Variants in B3GAT1 observed in about 807,000 individuals in gnomAD.
B3GAT1 encodes the protein beta-1,3-glucuronyltransferase 1, also known as galactosylgalactosylxylosylprotein 3-beta-glucuronosyltransferase 1.
A neutral mutation model predicts 28.4 loss-of-function variants in B3GAT1; 11 were observed. That is an observed-to-expected ratio of 0.39 (90% CI 0.24 to 0.64). The LOEUF is 0.64. Ranked by LOEUF, B3GAT1 falls within the 30% of genes least tolerant of loss-of-function variation. B3GAT1 has a pLI of 0.50. For missense variants in B3GAT1, 375 were observed against 491.0 expected, an observed-to-expected ratio of 0.76 and a Z score of 2.23; for synonymous variants, 255 against 223.1, an observed-to-expected ratio of 1.14 and a Z score of -1.27.
At chr11:134,398,988 G>A (rs1029283756) in intron 1 of B3GAT1, among the ~76,000 whole-genome samples, 1 of 152,112 alleles carries the variant, frequency 6.6e-6, no homozygotes. Flanking sequence ...GTGGGTGGTG[G>A]GTTCTCCAAC....
chr11:134,379,553 A>G lies in B3GAT1; in HGVS notation c.*1209T>C, dbSNP rs1944081699. Reference sequence around the variant, plus strand: ...TGGACATGAGGTGGGCTAGCTCTGCATGCTCCTGACTTAGGGAGAAATAAC... The same window carrying G: ...TGGACATGAGGTGGGCTAGCTCTGCGTGCTCCTGACTTAGGGAGAAATAAC... On this transcript the variant is annotated 3_prime_UTR_variant, in exon 6 of 6. Transcript: ENST00000312527. The G allele has an allele frequency of 6.6e-6, 1 of 152,490 alleles. No homozygotes were observed. The highest frequency in any genetic ancestry group is 2.1e-4 in the South Asian group (1 of 4,830). The allele number at this position is 152,490 out of a possible 1,614,324, so 9.4% of individuals were successfully genotyped here.
At chr11:134,391,804 C>T (rs1275652103) in intron 1 of B3GAT1, 2 of 152,362 alleles carry the variant, frequency 1.3e-5, no homozygotes, top group African/African-American at 4.8e-5. Context: ...TCAGGCGTCT[C>T]GGCAAGTAGA....
chr11:134,388,908 G>A (rs960124994), intron 1 of B3GAT1: 1 of 152,186 alleles, frequency 6.6e-6, no homozygotes, highest in Non-Finnish European at 1.5e-5. Context: ...ATAGTGCTGC[G>A]ATGAACATAC....
intron 1 of B3GAT1, among the ~76,000 whole-genome samples, chr11:134,394,005 A>C (rs989676066): frequency 6.6e-6 from 1 of 152,162 alleles, no homozygotes; most frequent in Non-Finnish European, 1.5e-5. Flanking sequence ...CTCCCAGCCC[A>C]GTCAATCCAT....
intron 2 of B3GAT1, chr11:134,385,986 T>C (rs1179169859): frequency 6.6e-6 from 1 of 152,248 alleles, no homozygotes; most frequent in African/African-American, 2.4e-5. Context: ...CACGATATCA[T>C]GTCGCTTTAT....
intron 1 of B3GAT1, among the ~76,000 whole-genome samples, chr11:134,397,468 C>A (rs534710913): frequency 2.1e-4 from 32 of 152,368 alleles, no homozygotes; most frequent in Admixed American, 6.5e-4. Flanking sequence ...TGCTTTTCCT[C>A]GTCCTGTGGT....
At chr11:134,402,703 A>G (rs889570222) in intron 1 of B3GAT1, among the ~76,000 whole-genome samples, 1 of 152,166 alleles carries the variant, frequency 6.6e-6, no homozygotes, top group African/African-American at 2.4e-5. Flanking sequence ...ACTTGAGGTC[A>G]GGAGTTGGAG....
chr11:134,394,512 A>AGAGCCC (rs1424193596), intron 1 of B3GAT1, among the ~76,000 whole-genome samples: 2 of 151,946 alleles, frequency 1.3e-5, no homozygotes, highest in Non-Finnish European at 2.9e-5. Context: ...CTCCAGGGCC[A>AGAGCCC]GAGCCCCCTG....
chr11:134,409,122 A>C (rs970618577), intron 1 of B3GAT1, among the ~76,000 whole-genome samples: 3 of 152,312 alleles, frequency 2.0e-5, no homozygotes, highest in Non-Finnish European at 4.4e-5. Flanking sequence ...GTGAGATGAC[A>C]GTTTCCCAAT....
intron 2 of B3GAT1, chr11:134,384,523 T>C: frequency 2.9e-6 from 1 of 346,922 alleles, no homozygotes; most frequent in Non-Finnish European, 5.2e-6. Context: ...GTCCCGACCC[T>C]CCCCTCCCTA....
Position 134,382,836 on chromosome 11 carries a change from G to C in B3GAT1, c.792C>G (p.Leu264=). 1 of 1,614,200 alleles carries C rather than the reference G, an allele frequency of 6.2e-7. No individual in the cohort carries two copies. Among genetic ancestry groups the C allele is most frequent in the Non-Finnish European group, 8.5e-7 (1 of 1,180,028 alleles). ...DMAGFAVNLR[L]ILQRSQAYFK... Reference sequence around the variant, plus strand: ...AGTAGGCCTGGCTTCGCTGCAGAATGAGCCGCAGGTTGACGGCAAATCCAG... The same window carrying C: ...AGTAGGCCTGGCTTCGCTGCAGAATCAGCCGCAGGTTGACGGCAAATCCAG... Residue 264 remains leucine, a synonymous_variant, in exon 4 of 6, where the codon CTC becomes CTG. Transcript: ENST00000312527.
chr11:134,396,910 A>C (rs756255992), intron 1 of B3GAT1, among the ~76,000 whole-genome samples: 1 of 152,064 alleles, frequency 6.6e-6, no homozygotes, highest in African/African-American at 2.4e-5. Context: ...GCGTCCTTTG[A>C]TTTCCCTTGG....
chr11:134,410,976 A>G (rs1231836620), intron 1 of B3GAT1, among the ~76,000 whole-genome samples: 1 of 152,172 alleles, frequency 6.6e-6, no homozygotes, highest in Non-Finnish European at 1.5e-5. Context: ...CTTCTACAAG[A>G]ATCCATGCAG....
Position 134,384,037 on chromosome 11 carries a change from C to T in B3GAT1, c.264G>A (p.Val88=). 6.2e-7 allele frequency: 1 copy of T among 1,605,642 alleles called. No individual in the cohort carries two copies. The highest frequency in any genetic ancestry group is 8.5e-7 in the Non-Finnish European group (1 of 1,179,104). The change falls in exon 3 of 6, where the codon GTG becomes GTA. Residue 88 remains valine (V), a synonymous_variant. Transcript: ENST00000312527. Reference sequence around the variant, plus strand: ...CCGGGCGGCTGTAGGTGGGCGTCACCACGTGGATGGTGGGCAGCGTGTCGG... The same window carrying T: ...CCGGGCGGCTGTAGGTGGGCGTCACTACGTGGATGGTGGGCAGCGTGTCGG... The part of the protein sequence containing the change: ...PWSDTLPTIH[V]VTPTYSRPVQ...
rs112888938 is a variant in B3GAT1, at chr11:134,382,966, A to G, written c.662T>C (p.Phe221Ser). 1 of 1,597,016 alleles carries G rather than the reference A, an allele frequency of 6.3e-7. No individual in the cohort carries two copies. Among genetic ancestry groups the G allele is most frequent in the East Asian group, 2.3e-5 (1 of 44,094 alleles). The change falls in exon 4 of 6, where the codon TTC (phenylalanine) becomes TCC (serine). Residue 221 changes from phenylalanine to serine, a missense_variant. Phe to Ser is a radical substitution (Grantham distance 155). Transcript: ENST00000312527. ...GGCCTCGTACCGCAGGCCACCCACG[A>G]AGGCGACGGGCCACACGGACACCCT... is the stretch of plus-strand genomic sequence containing the variant. ...TRRVSVWPVA[F>S]VGGLRYEAPR...
intron 1 of B3GAT1, among the ~76,000 whole-genome samples, chr11:134,400,685 C>T (rs1347105859): frequency 6.6e-6 from 1 of 152,202 alleles, no homozygotes; most frequent in Non-Finnish European, 1.5e-5. Flanking sequence ...CTAAGGAACA[C>T]CATTTTGGAC....
intron 1 of B3GAT1, chr11:134,389,669 G>C (rs59803683): frequency 0.1 from 15,715 of 152,568 alleles, 1,474 homozygotes; most frequent in African/African-American, 0.25. Context: ...GCCTCACTGT[G>C]CCCACCCGTC....
intron 1 of B3GAT1, among the ~76,000 whole-genome samples, chr11:134,407,149 T>C (rs571566283): frequency 6.6e-6 from 1 of 152,328 alleles, no homozygotes; most frequent in East Asian, 1.9e-4. Context: ...TGGGGACGGA[T>C]GCAGCCCCCC....
At position 134,381,951 on chromosome 11, in the gene B3GAT1, G is replaced by A. The variant is rs745396903; in HGVS notation, c.992C>T (p.Ser331Leu). The A allele has an allele frequency of 1.4e-5, 23 of 1,613,876 alleles. No homozygotes were observed. Among genetic ancestry groups the A allele is most frequent in the Non-Finnish European group, 1.8e-5 (21 of 1,180,006 alleles). Residue 331 changes from serine to leucine, a missense_variant, in exon 5 of 6, where the codon TCG becomes TTG. By Grantham distance (145) the Ser-to-Leu change is moderately radical (BLOSUM62 -2). Transcript: ENST00000312527. ...GCATCCTGAGGCTCAGATCTCCACC[G>A]AGGGGTCAGTGAAGCCCTTCTTGCC... ...NEGKKGFTDP[S>L]VEI is the part of the protein sequence containing the mutation.
Sources: gnomAD v4.1 joint callset for allele counts (sites outside exome capture counted in the v4.1 genomes callset) on GRCh38, gnomAD v4.1.1 for gene constraint, MANE v1.5 for transcripts, NCBI Gene and HGNC (gene_info 2026-07-23, HGNC 2026-07-21) for gene names.